The following VAMP4 variants were observed in gnomAD, a reference collection of about 807,000 sequenced individuals.
VAMP4 encodes the protein vesicle-associated membrane protein 4.
In VAMP4, 19 loss-of-function variants were observed where a neutral mutation model predicts 23.5. The observed-to-expected ratio is 0.81, with a 90% CI of 0.56 to 1.19. The LOEUF (loss-of-function observed/expected upper bound fraction) is 1.19, where lower values mean the gene tolerates loss of function less well. Ranked by LOEUF, VAMP4 falls within the 50% of genes most tolerant of loss-of-function variation. The pLI is 0.00. For missense variants in VAMP4, 145 were observed against 168.6 expected, an observed-to-expected ratio of 0.86 and a Z score of 0.78; for synonymous variants, 31 against 51.0, an observed-to-expected ratio of 0.61 and a Z score of 1.67.
In VAMP4 at chr1:171,701,112, G is replaced by A. The variant is rs1654418711; in HGVS notation, c.*3394C>T. ...ACAAATTTCATTTGTCTACAACATG[G>A]AAAAAACAAGTTAAGAAGTAGAGCA... is the stretch of plus-strand genomic sequence containing the variant. On this transcript the variant is annotated 3_prime_UTR_variant, in exon 8 of 8. Transcript: ENST00000236192. 1 of 152,034 alleles carries A rather than the reference G, an allele frequency of 6.6e-6. No individual in the cohort carries two copies. Among genetic ancestry groups the A allele is most frequent in the African/African-American group, 2.4e-5 (1 of 41,416 alleles). 9.4% of individuals were successfully genotyped at this position (152,034 alleles called of 1,614,324 possible).
At chr1:171,710,130 T>C (rs947309706) in intron 5 of VAMP4, among the ~76,000 whole-genome samples, 1 of 151,156 alleles carries the variant, frequency 6.6e-6, no homozygotes, top group South Asian at 2.1e-4. Flanking sequence ...TTAGAAGATA[T>C]CAAAAGTGAC....
chr1:171,733,275 C>T (rs898409357), intron 2 of VAMP4, among the ~76,000 whole-genome samples: 1 of 109,400 alleles, frequency 9.1e-6, no homozygotes, highest in Non-Finnish European at 1.7e-5. Flanking sequence ...CTGGGCAATA[C>T]GGTGAAACCC....
At chr1:171,733,625 A>G (rs1655633433) in intron 2 of VAMP4, among the ~76,000 whole-genome samples, 1 of 152,236 alleles carries the variant, frequency 6.6e-6, no homozygotes, top group Non-Finnish European at 1.5e-5. Context: ...GTGTCAAAAA[A>G]GAATAATAGG....
At chr1:171,710,329 A>G (rs533263431) in intron 5 of VAMP4, among the ~76,000 whole-genome samples, 75 of 152,194 alleles carry the variant, frequency 4.9e-4, no homozygotes, top group Middle Eastern at 6.8e-3. Context: ...AAGTAAAGAA[A>G]GGTGACTAAG....
intron 3 of VAMP4, among the ~76,000 whole-genome samples, chr1:171,722,871 G>A (rs1324946900): frequency 6.6e-6 from 1 of 152,102 alleles, no homozygotes; most frequent in African/African-American, 2.4e-5. Flanking sequence ...TCTAGAACTA[G>A]AAATACCATT....
In VAMP4 at chr1:171,704,271, T is replaced by C. The variant is rs1435895756; in HGVS notation, c.*235A>G. ...AGTTTCAAATTAGATCCTTGAAATA[T>C]GGAAAAATAGAGGCTAGTTCTCTTT... On this transcript the variant is annotated 3_prime_UTR_variant, in exon 8 of 8. Coordinates refer to ENST00000236192, the MANE Select transcript of VAMP4 (RefSeq NM_003762.5). 1 of 308,744 alleles carries C rather than the reference T, an allele frequency of 3.2e-6. No individual in the cohort carries two copies. Among genetic ancestry groups the C allele is most frequent in the South Asian group, 1.2e-4 (1 of 8,042 alleles). 19.1% of individuals were successfully genotyped at this position (308,744 alleles called of 1,614,324 possible).
chr1:171,704,561 A>G lies in VAMP4; in HGVS notation c.398-27T>C, dbSNP rs1279046610. ...TGTAAGAGAAAACATGAAAAAAGCA[A>G]TATATCAACATCAGATATATATGCT... is the stretch of plus-strand genomic sequence containing the variant. On this transcript the variant is annotated intron_variant, in intron 7 of 7. Coordinates refer to ENST00000236192, the MANE Select transcript of VAMP4 (RefSeq NM_003762.5). 1.4e-5 allele frequency: 21 copies of G among 1,529,518 alleles called. No individual in the cohort carries two copies. In the Admixed American group the frequency reaches 3.3e-4, roughly 24 times the overall value. 94.7% of individuals were successfully genotyped at this position (1,529,518 alleles called of 1,614,324 possible). A position where few individuals can be genotyped will look rare whatever the true frequency, so the allele number is the denominator to read the frequency against.
Position 171,709,749 on chromosome 1 carries a change from A to G in VAMP4, c.266-5T>C, listed in dbSNP as rs1654787508. ...TTGCATTATCCGATAAGCTTTCTAT[A>G]TCACATAGAGGATGGAGAGAAGGAT... On this transcript the variant is annotated splice_region_variant and splice_polypyrimidine_tract_variant and intron_variant, in intron 5 of 7. Coordinates refer to ENST00000236192, the MANE Select transcript of VAMP4 (RefSeq NM_003762.5). 6.2e-7 allele frequency: 1 copy of G among 1,608,104 alleles called. No individual in the cohort carries two copies. Among genetic ancestry groups the G allele is most frequent in the Non-Finnish European group, 8.5e-7 (1 of 1,174,938 alleles).
At chr1:171,730,240 C>T (rs896285343) in intron 2 of VAMP4, among the ~76,000 whole-genome samples, 1 of 152,172 alleles carries the variant, frequency 6.6e-6, no homozygotes, top group African/African-American at 2.4e-5. Flanking sequence ...AACTAATACA[C>T]TACCCATGTA....
chr1:171,739,313 G>A (rs758695769), intron 1 of VAMP4, among the ~76,000 whole-genome samples: 1 of 152,138 alleles, frequency 6.6e-6, no homozygotes, highest in Non-Finnish European at 1.5e-5. Context: ...AAAAGGACAG[G>A]GTTCAGAGAG....
At chr1:171,729,326 C>G (rs113673242) in intron 2 of VAMP4, among the ~76,000 whole-genome samples, 2 of 152,128 alleles carry the variant, frequency 1.3e-5, no homozygotes, top group Non-Finnish European at 2.9e-5. Context: ...TATAAGGAAA[C>G]ATCTTGGGGA....
Position 171,702,242 on chromosome 1 carries a change from C to T in VAMP4, c.*2264G>A, listed in dbSNP as rs960752800. On this transcript the variant is annotated 3_prime_UTR_variant, in exon 8 of 8. Transcript: ENST00000236192. Reference sequence around the variant, plus strand: ...ACCATGCCAGCCATTTTAAGGATTTCAGGATTAATCAAGACCAAGAAAGAT... The same window carrying T: ...ACCATGCCAGCCATTTTAAGGATTTTAGGATTAATCAAGACCAAGAAAGAT... 2.0e-5 allele frequency: 3 copies of T among 152,034 alleles called. No homozygotes were observed. Among genetic ancestry groups the T allele is most frequent in the Admixed American group, 2.0e-4 (3 of 15,262 alleles). 9.4% of individuals were successfully genotyped at this position (152,034 alleles called of 1,614,324 possible). A position where few individuals can be genotyped will look rare whatever the true frequency, so the allele number is the denominator to read the frequency against.
intron 1 of VAMP4, among the ~76,000 whole-genome samples, chr1:171,739,425 CTGT>C (rs1397510246): frequency 6.6e-6 from 1 of 152,232 alleles, no homozygotes; most frequent in Non-Finnish European, 1.5e-5. Context: ...TTCCATCTGG[CTGT>C]TGATCTCTAT....
rs1405945697 is a variant in VAMP4 at position 171,706,385 on chromosome 1, G to T, written c.379C>A (p.Leu127Ile). The change falls in exon 7 of 8, where the codon CTT becomes ATT. Residue 127 changes from leucine to isoleucine, a missense_variant. Coordinates refer to ENST00000236192, the MANE Select transcript of VAMP4 (RefSeq NM_003762.5). Reference sequence around the variant, plus strand: ...TACTTACTGATAATCACTAGCAAAAGGATAGCAGCAACCAAAGCCATGATG... The same window carrying T: ...TACTTACTGATAATCACTAGCAAAATGATAGCAGCAACCAAAGCCATGATG... The part of the protein sequence containing the change: ...KAIMALVAAI[L>I]LLVIIILIVM... 8 of 1,609,730 alleles carry T rather than the reference G, an allele frequency of 5.0e-6. No homozygotes were observed. The highest frequency in any genetic ancestry group is 1.7e-4 in the Middle Eastern group (1 of 6,048).
chr1:171,706,017 G>A (rs1439753715), intron 7 of VAMP4, among the ~76,000 whole-genome samples: 1 of 151,806 alleles, frequency 6.6e-6, no homozygotes, highest in Admixed American at 6.6e-5. Context: ...TAGAAAATGA[G>A]TATTTTAGAC....
intron 7 of VAMP4, among the ~76,000 whole-genome samples, chr1:171,706,085 G>T (rs1240810831): frequency 6.6e-6 from 1 of 151,950 alleles, no homozygotes; most frequent in Non-Finnish European, 1.5e-5. Flanking sequence ...CTGGATTTGG[G>T]GGTGAGGGTT....
At chr1:171,724,444 C>A (rs1655301511) in intron 3 of VAMP4, among the ~76,000 whole-genome samples, 2 of 151,890 alleles carry the variant, frequency 1.3e-5, no homozygotes, top group African/African-American at 4.8e-5. Flanking sequence ...GCACACTGTG[C>A]ACATGTACCC....
At chr1:171,711,357 GT>G (rs1334023507) in intron 4 of VAMP4, among the ~76,000 whole-genome samples, 5 of 152,056 alleles carry the variant, frequency 3.3e-5, no homozygotes, top group Non-Finnish European at 5.9e-5. Context: ...TGCTCAATGG[GT>G]AGAATTCTTC....
chr1:171,726,026 A>T (rs1655358301), intron 3 of VAMP4, among the ~76,000 whole-genome samples: 1 of 151,158 alleles, frequency 6.6e-6, no homozygotes, highest in Non-Finnish European at 1.5e-5. Flanking sequence ...TTCACTTGGA[A>T]AAAAACCCAG....
Sources: allele counts gnomAD v4.1 joint callset (sites outside exome capture counted in the v4.1 genomes callset), GRCh38; gene constraint gnomAD v4.1.1; transcripts MANE v1.5; gene names NCBI Gene and HGNC (gene_info 2026-07-23, HGNC 2026-07-21).